The following MACROD2 variants were observed in gnomAD, a reference collection of about 807,000 sequenced individuals.
MACROD2 encodes the protein ADP-ribose glycohydrolase MACROD2.
MACROD2 carries 36 observed loss-of-function variants against 70.4 expected under a neutral mutation model. The ratio of observed to expected loss-of-function variants is 0.51; its 90% CI spans 0.39 to 0.68. The LOEUF (loss-of-function observed/expected upper bound fraction) is 0.68. Ranked by LOEUF, MACROD2 falls within the 30% of genes least tolerant of loss-of-function variation. The pLI is 0.00. For synonymous variants in MACROD2, 172 were observed against 178.8 expected (o/e 0.96, Z 0.30); for missense variants, 496 against 538.4 (o/e 0.92, Z 0.78).
intron 4 of MACROD2, among the ~76,000 whole-genome samples, chr20:14,622,332 C>T (rs1437239182): frequency 6.6e-6 from 1 of 151,926 alleles, no homozygotes; most frequent in Non-Finnish European, 1.5e-5. Flanking sequence ...TAGCTTTGGT[C>T]ATTTGCTTTT....
chr20:15,268,953 C>T (rs2077321775), intron 6 of MACROD2, among the ~76,000 whole-genome samples: 1 of 152,160 alleles, frequency 6.6e-6, no homozygotes, highest in South Asian at 2.1e-4. Flanking sequence ...TCTCTTTCTG[C>T]AATTTGTCTT....
intron 8 of MACROD2, among the ~76,000 whole-genome samples, chr20:15,835,102 A>C (rs2064098895): frequency 6.6e-6 from 1 of 152,228 alleles, no homozygotes; most frequent in African/African-American, 2.4e-5. Context: ...AATAGCCAGC[A>C]TCAAATTCTC....
intron 8 of MACROD2, among the ~76,000 whole-genome samples, chr20:15,793,001 T>G (rs2063638861): frequency 6.6e-6 from 1 of 152,148 alleles, no homozygotes; most frequent in Admixed American, 6.5e-5. Flanking sequence ...CTCTTAATCT[T>G]AAAACATGAA....
intron 2 of MACROD2, among the ~76,000 whole-genome samples, chr20:14,062,843 A>G (rs17226894): frequency 0.018 from 2,741 of 152,320 alleles, 41 homozygotes; most frequent in Non-Finnish European, 0.028. Context: ...TTAATTTTCA[A>G]TTATATTTGG....
At chr20:14,619,197 C>G (rs1481867317) in intron 4 of MACROD2, among the ~76,000 whole-genome samples, 2 of 151,656 alleles carry the variant, frequency 1.3e-5, no homozygotes, top group African/African-American at 2.4e-5. Context: ...GTCTCAGGAG[C>G]CTTTGTTCTT....
chr20:14,398,503 G>GA (rs2122827874), intron 3 of MACROD2, among the ~76,000 whole-genome samples: 1 of 151,538 alleles, frequency 6.6e-6, no homozygotes. Flanking sequence ...GATGATTAGT[G>GA]ATGTGGAGCA....
chr20:14,535,888 A>G (rs1378732369), intron 4 of MACROD2, among the ~76,000 whole-genome samples: 1 of 152,206 alleles, frequency 6.6e-6, no homozygotes, highest in Non-Finnish European at 1.5e-5. Context: ...ATATATTTTT[A>G]GATTCAAGTA....
At position 15,878,266 on chromosome 20, in the gene MACROD2, G is replaced by A. The variant is rs2064703645; in HGVS notation, c.728-7498G>A. 2.0e-5 allele frequency among the ~76,000 whole-genome samples: 3 copies of A among 152,152 alleles called. No homozygotes were observed. The South Asian group carries it at 6.2e-4, about 32-fold the overall frequency. ...CCTCTTACCACATTAGTGTTAGTGA[G>A]ACATCACAAGTTAGTTCAGTTGAAA... On this transcript the variant is annotated intron_variant, in intron 9 of 17. Transcript: ENST00000684519.
intron 6 of MACROD2, among the ~76,000 whole-genome samples, chr20:15,231,028 AG>A (rs1022760689): frequency 3.3e-5 from 5 of 152,078 alleles, no homozygotes; most frequent in African/African-American, 9.6e-5. Context: ...ATTTGCATGA[AG>A]AAATTTTGAG....
At chr20:14,690,114 C>T (rs2071046165) in intron 5 of MACROD2, among the ~76,000 whole-genome samples, 1 of 152,068 alleles carries the variant, frequency 6.6e-6, no homozygotes, top group African/African-American at 2.4e-5. Context: ...CCATATCACC[C>T]TTATTTGATG....
At chr20:16,014,388 G>A (rs886651808) in intron 15 of MACROD2, among the ~76,000 whole-genome samples, 6 of 152,188 alleles carry the variant, frequency 3.9e-5, no homozygotes, top group Non-Finnish European at 7.3e-5. Flanking sequence ...TCGATAAATA[G>A]CAACTTTTGT....
At chr20:14,899,402 T>C (rs575524675) in intron 5 of MACROD2, among the ~76,000 whole-genome samples, 1 of 152,212 alleles carries the variant, frequency 6.6e-6, no homozygotes, top group Non-Finnish European at 1.5e-5. Flanking sequence ...TGGGTTTGCT[T>C]TTTTCTGTGG....
At chr20:14,310,418 T>G (rs1601460630) in intron 3 of MACROD2, among the ~76,000 whole-genome samples, 1 of 152,076 alleles carries the variant, frequency 6.6e-6, no homozygotes, top group Admixed American at 6.6e-5. Context: ...CCCATAAGAT[T>G]ATAATGGAGC....
chr20:14,444,847 A>G (rs891617768), intron 3 of MACROD2, among the ~76,000 whole-genome samples: 12 of 151,390 alleles, frequency 7.9e-5, no homozygotes, highest in South Asian at 4.2e-4. Context: ...ATATATATAT[A>G]TGTGTGTGTG....
intron 5 of MACROD2, among the ~76,000 whole-genome samples, chr20:14,873,160 A>G (rs2073509133): frequency 6.6e-6 from 1 of 152,194 alleles, no homozygotes; most frequent in Non-Finnish European, 1.5e-5. Context: ...AAGTTAATAT[A>G]TCAAATGTGC....
rs369491436 is a variant in MACROD2 at position 15,329,579 on chromosome 20, G to T, written c.540+99518G>T. Among the ~76,000 whole-genome samples the T allele has an allele frequency of 5.9e-5, 9 of 151,776 alleles. No individual in the cohort carries two copies. In the East Asian group the frequency reaches 9.7e-4, roughly 16 times the overall value. On this transcript the variant is annotated intron_variant, in intron 6 of 17. Transcript: ENST00000684519. The stretch of plus-strand genomic sequence containing the variant: ...ATAGCAAGACCCCATTCTTCACACA[G>T]AAAAAATAAAGTACATAAAAATAAA...
intron 3 of MACROD2, among the ~76,000 whole-genome samples, chr20:14,245,803 C>T (rs964166755): frequency 1.3e-5 from 2 of 152,132 alleles, no homozygotes; most frequent in Admixed American, 1.3e-4. Context: ...TGCAGACATA[C>T]TTTATCCAGA....
At chr20:16,028,571 T>C (rs1425227159) in intron 15 of MACROD2, among the ~76,000 whole-genome samples, 2 of 152,194 alleles carry the variant, frequency 1.3e-5, no homozygotes, top group Non-Finnish European at 2.9e-5. Flanking sequence ...CATCACTGCC[T>C]TTCATCACTT....
rs1475213319 is a variant in MACROD2, at chr20:14,167,347, C to T, written c.271+81619C>T. On this transcript the variant is annotated intron_variant, in intron 3 of 17. Transcript: ENST00000684519. Reference sequence around the variant, plus strand: ...ACTAACTGTGAAGTCCTAAAATAGTCTTTAAGATCAGAGACTATATATAAT... The same window carrying T: ...ACTAACTGTGAAGTCCTAAAATAGTTTTTAAGATCAGAGACTATATATAAT... Among the ~76,000 whole-genome samples the T allele has an allele frequency of 2.0e-5, 3 of 152,082 alleles. No individual in the cohort carries two copies. The East Asian group carries it at 5.8e-4, about 29-fold the overall frequency.
Sources: gnomAD v4.1 joint callset for allele counts (sites outside exome capture counted in the v4.1 genomes callset) on GRCh38, gnomAD v4.1.1 for gene constraint, MANE v1.5 for transcripts, NCBI Gene and HGNC (gene_info 2026-07-23, HGNC 2026-07-21) for gene names.